The following SHANK2 variants were observed in gnomAD, a reference collection of about 807,000 sequenced individuals.
SHANK2 encodes the protein SH3 and multiple ankyrin repeat domains 2.
Under a neutral mutation model 133.7 loss-of-function variants are expected in SHANK2, and 43 were observed. That is an observed-to-expected ratio of 0.32 (90% CI 0.25 to 0.41). The LOEUF is 0.41. Among genes scored for constraint, SHANK2 ranks in the 10% least tolerant of loss-of-function variants. The pLI, the probability that SHANK2 is intolerant of heterozygous loss-of-function variation, is 1.00. For synonymous variants in SHANK2, 1,017 were observed against 952.8 expected (o/e 1.07, Z -1.24); for missense variants, 1,994 against 2,235.8 (o/e 0.89, Z 2.18).
intron 10 of SHANK2, among the ~76,000 whole-genome samples, chr11:70,905,726 C>T (rs1555077798): frequency 6.6e-6 from 1 of 152,178 alleles, no homozygotes; most frequent in East Asian, 1.9e-4. Context: ...CATCTGCTGG[C>T]CCTTGATCTT....
In SHANK2 at chr11:70,472,944, G is replaced by A. The variant is rs201242991; in HGVS notation, c.5475C>T (p.Leu1825=). Residue 1825 remains leucine (L), a synonymous_variant, in exon 26 of 26, where the codon CTC becomes CTT. Transcript: ENST00000601538. The surrounding 1 kb of genome is among the most constrained non-coding windows in gnomAD (Gnocchi z 4.4). The stretch of plus-strand genomic sequence containing the variant: ...CGACTCGAGTTACCCCAAGATCGAT[G>A]AGGTCCTCCTTCTGCAGGTTTGGTA... The part of the protein sequence containing the change: ...SHLPNLQKED[L]IDLGVTRVGH... The A allele has an allele frequency of 5.6e-6, 9 of 1,614,114 alleles. No homozygotes were observed. Among genetic ancestry groups the A allele is most frequent in the Non-Finnish European group, 7.6e-6 (9 of 1,180,062 alleles).
intron 14 of SHANK2, among the ~76,000 whole-genome samples, chr11:70,788,050 C>T (rs781876039): frequency 2.6e-5 from 4 of 152,310 alleles, no homozygotes; most frequent in South Asian, 2.1e-4. Flanking sequence ...GGAACGATAA[C>T]GTTACATGGC....
intron 15 of SHANK2, among the ~76,000 whole-genome samples, chr11:70,673,331 G>C (rs926959105): frequency 1.4e-4 from 21 of 152,114 alleles, no homozygotes; most frequent in African/African-American, 5.1e-4. Flanking sequence ...ACAACTGCCT[G>C]GCATTTTGCT....
chr11:71,163,309 T>A (rs1953066368), intron 2 of SHANK2, among the ~76,000 whole-genome samples: 1 of 152,196 alleles, frequency 6.6e-6, no homozygotes, highest in Middle Eastern at 3.4e-3. Context: ...ATAAAAACTT[T>A]AGAAATTAGA....
chr11:70,477,921 G>A (rs1417601062), intron 25 of SHANK2, among the ~76,000 whole-genome samples: 4 of 152,150 alleles, frequency 2.6e-5, no homozygotes, highest in African/African-American at 9.7e-5. Context: ...TGGGTTCCCA[G>A]TCGGAACACA....
At chr11:70,707,502 G>T (rs532971969) in intron 14 of SHANK2, among the ~76,000 whole-genome samples, 1 of 151,836 alleles carries the variant, frequency 6.6e-6, no homozygotes, top group South Asian at 2.1e-4. Context: ...CTGTTCATGA[G>T]ACACACGTGG....
chr11:70,907,593 C>T (rs1238034968), intron 10 of SHANK2: 1 of 164,474 alleles, frequency 6.1e-6, no homozygotes, highest in Non-Finnish European at 1.3e-5. Flanking sequence ...CATTCAGTAT[C>T]ACCAAATTGA....
chr11:70,681,312 C>T (rs530857090), intron 15 of SHANK2, among the ~76,000 whole-genome samples: 5 of 152,338 alleles, frequency 3.3e-5, no homozygotes, highest in South Asian at 2.1e-4. Context: ...GCTCAGGATT[C>T]GCACTGGAGG....
chr11:70,693,121 C>G (rs1228467840), intron 15 of SHANK2, among the ~76,000 whole-genome samples: 3 of 152,190 alleles, frequency 2.0e-5, no homozygotes, highest in African/African-American at 4.8e-5. Flanking sequence ...CCTCTCTACC[C>G]CACCTCCTCC....
chr11:70,837,291 A>G (rs1247235593), intron 11 of SHANK2, among the ~76,000 whole-genome samples: 1 of 151,938 alleles, frequency 6.6e-6, no homozygotes, highest in East Asian at 1.9e-4. Context: ...GCTCCTCCAG[A>G]TGCTCCCTCA....
chr11:70,489,515 C>T (rs569480849), intron 23 of SHANK2, 167 bp from the exon 24 acceptor site: 46 of 729,330 alleles, frequency 6.3e-5, no homozygotes, highest in South Asian at 4.1e-4. Flanking sequence ...CTCACAAGCA[C>T]GCTGCGCTTT....
intron 7 of SHANK2, 73 bp downstream of exon 7, chr11:71,094,464 C>A (rs782521719): frequency 6.9e-7 from 1 of 1,444,892 alleles, no homozygotes; most frequent in East Asian, 2.5e-5. Context: ...ATGGGCACTG[C>A]GGGGATGGGA....
intron 11 of SHANK2, among the ~76,000 whole-genome samples, chr11:70,847,744 G>A (rs1949017476): frequency 6.6e-6 from 1 of 152,192 alleles, no homozygotes; most frequent in Admixed American, 6.5e-5. Context: ...CCACAGAGAG[G>A]AACCAGCCTG....
chr11:70,615,153 G>C (rs1481568741), intron 17 of SHANK2, among the ~76,000 whole-genome samples: 4 of 152,208 alleles, frequency 2.6e-5, no homozygotes, highest in Non-Finnish European at 4.4e-5. Flanking sequence ...AAGAGCTGTT[G>C]GGGAATGAGT....
At chr11:71,073,142 C>CTTTTTTTTTTT (rs1951165821) in intron 9 of SHANK2, among the ~76,000 whole-genome samples, 5 of 41,136 alleles carry the variant, frequency 1.2e-4, no homozygotes, top group East Asian at 6.8e-4. Context: ...TTTTCTTTTT[C>CTTTTTTTTTTT]TTTTCTTTTT....
At chr11:70,639,112 G>A (rs1282150741) in intron 17 of SHANK2, among the ~76,000 whole-genome samples, 1 of 152,192 alleles carries the variant, frequency 6.6e-6, no homozygotes, top group Non-Finnish European at 1.5e-5. Flanking sequence ...TTCCCCTGCT[G>A]GCTGAGGGTC....
chr11:70,721,908 A>C (rs1555029286), intron 14 of SHANK2, among the ~76,000 whole-genome samples: 1 of 152,256 alleles, frequency 6.6e-6, no homozygotes, highest in Admixed American at 6.5e-5. Context: ...TCCTTTGTTT[A>C]GCTGAGGCTT....
At chr11:71,181,965 G>A (rs1953567274) in intron 2 of SHANK2, among the ~76,000 whole-genome samples, 1 of 152,192 alleles carries the variant, frequency 6.6e-6, no homozygotes, top group Non-Finnish European at 1.5e-5. Context: ...AACCTTGCCG[G>A]AGGGGCAGCG....
intron 17 of SHANK2, among the ~76,000 whole-genome samples, chr11:70,655,268 G>A (rs782234114): frequency 9.2e-5 from 14 of 152,196 alleles, no homozygotes; most frequent in African/African-American, 3.4e-4. Context: ...AACAGTCACC[G>A]CACTGCTTTT....
Sources: gnomAD v4.1 joint callset for allele counts (sites outside exome capture counted in the v4.1 genomes callset) on GRCh38, gnomAD v4.1.1 for gene constraint, Gnocchi (gnomAD v3.1) non-coding constraint, MANE v1.5 for transcripts, NCBI Gene and HGNC (gene_info 2026-07-23, HGNC 2026-07-21) for gene names.